The following CBL variants were observed in gnomAD, a reference collection of about 807,000 sequenced individuals.
The protein encoded by CBL is Cbl proto-oncogene.
CBL carries 45 observed loss-of-function variants against 96.9 expected under a neutral mutation model. That is an observed-to-expected ratio of 0.46 (90% CI 0.37 to 0.60). CBL has a LOEUF of 0.60. Ranked by LOEUF, CBL falls within the 20% of genes least tolerant of loss-of-function variation. CBL has a pLI of 0.00. For missense variants in CBL, 1,024 were observed against 1,143.5 expected, an observed-to-expected ratio of 0.90 and a Z score of 1.51; for synonymous variants, 420 against 426.8, an observed-to-expected ratio of 0.98 and a Z score of 0.20.
At chr11:119,220,322 G>C (rs772832115) in intron 1 of CBL, among the ~76,000 whole-genome samples, 8 of 152,186 alleles carry the variant, frequency 5.3e-5, no homozygotes, top group Non-Finnish European at 1.0e-4. Flanking sequence ...TTTAAAAGTA[G>C]AACTGGCTGG....
chr11:119,285,564 A>C lies in CBL; in HGVS notation c.1939A>C (p.Met647Leu). The change falls in exon 11 of 16, where the codon ATG (methionine) becomes CTG (leucine). Residue 647 changes from methionine (M) to leucine (L), a missense_variant and splice_region_variant. Coordinates refer to ENST00000264033, the MANE Select transcript of CBL (RefSeq NM_005188.4). ...LGSTFSLDTS[M>L]SMNSSPLVGP... is the part of the protein sequence containing the mutation. The stretch of plus-strand genomic sequence containing the variant: ...AAGCACGTTCAGTCTGGATACCTCC[A>C]TGGTGAGTCTTAATTTTGAAACTAT... 1 of 1,613,902 alleles carries C rather than the reference A, an allele frequency of 6.2e-7. No homozygotes were observed. Among genetic ancestry groups the C allele is most frequent in the Non-Finnish European group, 8.5e-7 (1 of 1,180,014 alleles).
intron 2 of CBL, among the ~76,000 whole-genome samples, chr11:119,256,304 C>T (rs779375908): frequency 4.0e-4 from 61 of 151,676 alleles, no homozygotes; most frequent in African/African-American, 1.5e-4. Context: ...CCCAGCCTCC[C>T]GAGTAGCTGG....
At chr11:119,291,569 A>G (rs1950027007) in intron 12 of CBL, among the ~76,000 whole-genome samples, 1 of 152,166 alleles carries the variant, frequency 6.6e-6, no homozygotes, top group Non-Finnish European at 1.5e-5. Context: ...GTAGCTGGGC[A>G]TGGTGGTGCA....
chr11:119,288,599 A>G (rs1256118815), intron 12 of CBL, among the ~76,000 whole-genome samples: 1 of 152,142 alleles, frequency 6.6e-6, no homozygotes, highest in Non-Finnish European at 1.5e-5. Flanking sequence ...TAGAGGCCCC[A>G]TCTCCAAATA....
At chr11:119,245,345 A>G (rs561787534) in intron 2 of CBL, among the ~76,000 whole-genome samples, 6 of 152,170 alleles carry the variant, frequency 3.9e-5, no homozygotes, top group African/African-American at 1.2e-4. Flanking sequence ...CATTTACCAT[A>G]TTTGATATTA....
intron 12 of CBL, among the ~76,000 whole-genome samples, chr11:119,294,751 G>A (rs550105578): frequency 2.1e-4 from 31 of 150,118 alleles, no homozygotes; most frequent in African/African-American, 6.4e-4. Flanking sequence ...AGATCACGCC[G>A]CTGCACTCCA....
intron 2 of CBL, among the ~76,000 whole-genome samples, chr11:119,269,211 A>G (rs1949825094): frequency 6.6e-6 from 1 of 151,980 alleles, no homozygotes; most frequent in South Asian, 2.1e-4. Context: ...TGCTAGGAAA[A>G]AAACAGTTAA....
At chr11:119,279,834 A>G (rs1201500813) in intron 9 of CBL, among the ~76,000 whole-genome samples, 2 of 152,238 alleles carry the variant, frequency 1.3e-5, no homozygotes, top group African/African-American at 4.8e-5. Flanking sequence ...ATTAATGCAT[A>G]TTACTTTTTC....
In CBL at chr11:119,277,241, G is replaced by GCGCACACACA. The variant is rs1035208999; in HGVS notation, c.1008-515_1008-514insGCACACACAC. 1.9e-3 allele frequency among the ~76,000 whole-genome samples: 275 copies of GCGCACACACA among 146,492 alleles called. 2 individuals are homozygous for GCGCACACACA. Among genetic ancestry groups the GCGCACACACA allele is most frequent in the African/African-American group, 6.7e-3 (264 of 39,350 alleles). On this transcript the variant is annotated intron_variant, in intron 6 of 15. Coordinates refer to ENST00000264033, the MANE Select transcript of CBL (RefSeq NM_005188.4). ...CAAAAAAAAAATAAGAATCTGTCGCGCACACACACACACACACACACACAC... is the reference window on the plus strand; with the variant it reads ...CAAAAAAAAAATAAGAATCTGTCGCGCGCACACACACACACACACACACACACACACACAC...
chr11:119,265,567 A>G (rs1245952748), intron 2 of CBL, among the ~76,000 whole-genome samples: 2 of 152,180 alleles, frequency 1.3e-5, no homozygotes, highest in Non-Finnish European at 2.9e-5. Context: ...CCTGGGCAAT[A>G]TAGTGAGACC....
At chr11:119,247,670 G>A (rs939930134) in intron 2 of CBL, among the ~76,000 whole-genome samples, 1 of 152,124 alleles carries the variant, frequency 6.6e-6, no homozygotes, top group Non-Finnish European at 1.5e-5. Context: ...AATTAGCTGG[G>A]TGTGGTGATG....
In CBL at chr11:119,254,036, T is replaced by C. The variant is rs144008230; in HGVS notation, c.444-17699T>C. 1.4e-4 allele frequency among the ~76,000 whole-genome samples: 16 copies of C among 116,338 alleles called. No homozygotes were observed. The East Asian group carries it at 3.4e-3, about 25-fold the overall frequency. The allele number at this position is 116,338 out of a possible 152,430, so 76.3% of individuals were successfully genotyped here. ...AGGACATACACTGATTGATGAAAAA[T>C]TATAGAAAGGGGAAAGTGTTATCAA... On this transcript the variant is annotated intron_variant, in intron 2 of 15. Transcript: ENST00000264033.
intron 1 of CBL, among the ~76,000 whole-genome samples, chr11:119,209,703 T>C (rs1949301845): frequency 6.6e-6 from 1 of 152,228 alleles, no homozygotes; most frequent in African/African-American, 2.4e-5. Context: ...ATCTTTGTTG[T>C]TGAAGCTGGA....
chr11:119,226,257 T>C (rs1044036685), intron 1 of CBL, among the ~76,000 whole-genome samples: 5 of 152,168 alleles, frequency 3.3e-5, no homozygotes, highest in Admixed American at 6.6e-5. Context: ...AAGGGTGATA[T>C]GAGGTCCACT....
At chr11:119,235,206 C>T (rs1350549255) in intron 2 of CBL, among the ~76,000 whole-genome samples, 1 of 151,916 alleles carries the variant, frequency 6.6e-6, no homozygotes, top group Non-Finnish European at 1.5e-5. Context: ...CTCTGCCTCC[C>T]GCATTCAAAC....
chr11:119,271,928 C>T (rs565099331), intron 3 of CBL, 47 bp downstream of exon 3: 284 of 1,576,484 alleles, frequency 1.8e-4, no homozygotes, highest in Admixed American at 9.8e-4. Context: ...CTAAAGCTTA[C>T]GAGTTTTTTC....
chr11:119,292,366 CTGA>C (rs1296423546), intron 12 of CBL, among the ~76,000 whole-genome samples: 4 of 145,370 alleles, frequency 2.8e-5, no homozygotes, highest in Non-Finnish European at 6.0e-5. Context: ...AGCTCTTATG[CTGA>C]TGTCTTTTTT....
chr11:119,262,630 A>C (rs1949763006), intron 2 of CBL, among the ~76,000 whole-genome samples: 1 of 152,222 alleles, frequency 6.6e-6, no homozygotes. Context: ...TTATGTGCCC[A>C]GTGTGACCAG....
At chr11:119,296,304 GT>G (rs1950062033) in intron 12 of CBL, among the ~76,000 whole-genome samples, 2 of 152,096 alleles carry the variant, frequency 1.3e-5, no homozygotes, top group African/African-American at 4.8e-5. Flanking sequence ...TTTCTTGGGA[GT>G]TTTTTCATTT....
Sources: allele counts gnomAD v4.1 joint callset (sites outside exome capture counted in the v4.1 genomes callset), GRCh38; gene constraint gnomAD v4.1.1; transcripts MANE v1.5; gene names NCBI Gene and HGNC (gene_info 2026-07-23, HGNC 2026-07-21).